Variants in COL27A1 observed in about 807,000 individuals in gnomAD.
The protein encoded by COL27A1 is collagen alpha-1(XXVII) chain.
In COL27A1, 106 loss-of-function variants were observed where a neutral mutation model predicts 251.3. The observed-to-expected ratio is 0.42, with a 90% CI of 0.36 to 0.50. The LOEUF (loss-of-function observed/expected upper bound fraction) is 0.50, where lower values mean the gene tolerates loss of function less well. Among genes scored for constraint, COL27A1 ranks in the 20% least tolerant of loss-of-function variants. The pLI, the probability that COL27A1 is intolerant of heterozygous loss-of-function variation, is 0.00. For synonymous variants in COL27A1, 1,000 were observed against 986.3 expected, an observed-to-expected ratio of 1.01 and a Z score of -0.26; for missense variants, 2,325 against 2,522.8, an observed-to-expected ratio of 0.92 and a Z score of 1.68.
chr9:114,258,269 A>T (rs1358982406), intron 27 of COL27A1, among the ~76,000 whole-genome samples: 1 of 152,178 alleles, frequency 6.6e-6, no homozygotes, highest in Non-Finnish European at 1.5e-5. Flanking sequence ...AGGGGGCCTT[A>T]TCCCCACTCC....
intron 16 of COL27A1, among the ~76,000 whole-genome samples, chr9:114,234,350 T>G (rs567113625): frequency 6.6e-6 from 1 of 151,902 alleles, no homozygotes; most frequent in African/African-American, 2.4e-5. Context: ...ACTAAGGAAG[T>G]TCTTTTGTTA....
At chr9:114,239,865 G>C (rs757693257) in intron 19 of COL27A1, among the ~76,000 whole-genome samples, 2 of 152,154 alleles carry the variant, frequency 1.3e-5, no homozygotes, top group Non-Finnish European at 2.9e-5. Context: ...GACTTCTCAG[G>C]GCAAGGCGTG....
At chr9:114,265,528 T>C in intron 32 of COL27A1, 53 bp downstream of exon 32, 1 of 1,565,794 alleles carries the variant, frequency 6.4e-7, no homozygotes, top group Non-Finnish European at 8.8e-7. Flanking sequence ...CACCTGGGGG[T>C]GTGGGCCAGG....
intron 24 of COL27A1, among the ~76,000 whole-genome samples, chr9:114,246,334 T>C (rs1833129506): frequency 6.6e-6 from 1 of 152,016 alleles, no homozygotes; most frequent in African/African-American, 2.4e-5. Flanking sequence ...CTAAATTATA[T>C]AGAAGATGAA....
intron 56 of COL27A1, among the ~76,000 whole-genome samples, chr9:114,303,170 C>T (rs1378296465): frequency 1.3e-5 from 2 of 151,606 alleles, no homozygotes; most frequent in Non-Finnish European, 2.9e-5. Context: ...ATAATCACTA[C>T]TAATGCTAAT....
At chr9:114,259,230 A>G (rs1013916991) in intron 28 of COL27A1, among the ~76,000 whole-genome samples, 1 of 152,068 alleles carries the variant, frequency 6.6e-6, no homozygotes, top group Non-Finnish European at 1.5e-5. Context: ...AGGGAGAGGG[A>G]TGGGGCTGGG....
intron 14 of COL27A1, among the ~76,000 whole-genome samples, chr9:114,225,586 A>G (rs923257532): frequency 6.6e-6 from 1 of 152,220 alleles, no homozygotes; most frequent in Non-Finnish European, 1.5e-5. Flanking sequence ...CTGTCTCCCC[A>G]AAGAGCTGGA....
chr9:114,292,516 C>T lies in COL27A1; in HGVS notation c.4584+306C>T, dbSNP rs77070751. On this transcript the variant is annotated intron_variant, in intron 49 of 60. Coordinates refer to ENST00000356083, the MANE Select transcript of COL27A1 (RefSeq NM_032888.4). ...AGTCCAGTGCTCATTCTGTGCCTCA[C>T]TGCCTTCATCCCCCTGTCCCAGAGG... Among the ~76,000 whole-genome samples, 610 of 152,366 alleles carry T rather than the reference C, an allele frequency of 4.0e-3. 3 individuals carry two copies. Among genetic ancestry groups the T allele is most frequent in the Middle Eastern group, 0.014 (4 of 294 alleles).
chr9:114,257,397 G>A (rs374793748), intron 27 of COL27A1, among the ~76,000 whole-genome samples: 2 of 152,184 alleles, frequency 1.3e-5, no homozygotes, highest in Admixed American at 6.5e-5. Context: ...CAGAGGGGTG[G>A]CCTGCTTCCC....
chr9:114,280,243 ACT>A (rs1835820486), intron 37 of COL27A1, among the ~76,000 whole-genome samples: 2 of 149,746 alleles, frequency 1.3e-5, no homozygotes, highest in East Asian at 3.9e-4. Flanking sequence ...ACACAGTCTC[ACT>A]CTGTCGCCCA....
At chr9:114,247,326 G>C (rs1833209625) in intron 24 of COL27A1, among the ~76,000 whole-genome samples, 1 of 152,140 alleles carries the variant, frequency 6.6e-6, no homozygotes, top group Non-Finnish European at 1.5e-5. Flanking sequence ...CCCAGGTCCT[G>C]GTAGTACTAC....
intron 23 of COL27A1, 75 bp from the exon 24 acceptor site, chr9:114,245,791 A>C: frequency 7.2e-7 from 1 of 1,385,656 alleles, no homozygotes; most frequent in Non-Finnish European, 1.0e-6. Flanking sequence ...TAAGGCCAGC[A>C]GGCCTGGGAC....
In COL27A1 at chr9:114,293,565, GA is replaced by G. The variant is rs548422826; in HGVS notation, c.4584+1359del. Among the ~76,000 whole-genome samples, 312 of 145,490 alleles carry G rather than the reference GA, an allele frequency of 2.1e-3. 5 individuals are homozygous for G. The highest frequency in any genetic ancestry group is 9.4e-4 in the Admixed American group (14 of 14,878). On this transcript the variant is annotated intron_variant, in intron 49 of 60. Coordinates refer to ENST00000356083, the MANE Select transcript of COL27A1 (RefSeq NM_032888.4). ...AAAAATAAACCAAAAAAAAAAAAAG[GA>G]AAATCAAAAGTTAGCTTTTTGAGAT...
intron 14 of COL27A1, among the ~76,000 whole-genome samples, chr9:114,229,546 C>T (rs1309410221): frequency 6.6e-6 from 1 of 152,172 alleles, no homozygotes; most frequent in Non-Finnish European, 1.5e-5. Context: ...TGCTTCAGAG[C>T]TGTGCCCCCA....
chr9:114,310,422 G>A, intron 60 of COL27A1, 127 bp from the exon 61 acceptor site: 1 of 966,332 alleles, frequency 1.0e-6, no homozygotes, highest in East Asian at 2.5e-5. Context: ...GTGCCATATA[G>A]GTCATTGCTA....
At chr9:114,183,924 G>A (rs1040098014) in intron 5 of COL27A1, among the ~76,000 whole-genome samples, 3 of 152,192 alleles carry the variant, frequency 2.0e-5, no homozygotes, top group African/African-American at 4.8e-5. Flanking sequence ...TGTTCCCGGA[G>A]CTCTGGCAGA....
chr9:114,257,391 G>A (rs540618884), intron 27 of COL27A1, among the ~76,000 whole-genome samples: 43 of 152,184 alleles, frequency 2.8e-4, no homozygotes, highest in Non-Finnish European at 5.4e-4. Flanking sequence ...ATTAGGCAGA[G>A]GGGTGGCCTG....
intron 1 of COL27A1, among the ~76,000 whole-genome samples, chr9:114,159,361 C>G (rs1848339643): frequency 1.3e-5 from 2 of 152,152 alleles, no homozygotes; most frequent in Non-Finnish European, 2.9e-5. Context: ...TTTGTACCTT[C>G]TCTTCCCCAC....
At chr9:114,214,910 G>C (rs996039221) in intron 12 of COL27A1, among the ~76,000 whole-genome samples, 3 of 152,266 alleles carry the variant, frequency 2.0e-5, no homozygotes, top group Non-Finnish European at 4.4e-5. Context: ...CACAGTGAGA[G>C]ACTGAGCCAT....
Sources: gnomAD v4.1 joint callset for allele counts (sites outside exome capture counted in the v4.1 genomes callset) on GRCh38, gnomAD v4.1.1 for gene constraint, MANE v1.5 for transcripts, NCBI Gene and HGNC (gene_info 2026-07-23, HGNC 2026-07-21) for gene names.